The following FRRS1 variants were observed in gnomAD, a reference collection of about 807,000 sequenced individuals.
FRRS1 encodes ferric chelate reductase 1.
FRRS1 carries 51 observed loss-of-function variants against 70.7 expected under a neutral mutation model. The observed-to-expected ratio is 0.72, with a 90% CI of 0.58 to 0.91. The LOEUF (loss-of-function observed/expected upper bound fraction) is 0.91, where lower values mean the gene tolerates loss of function less well. FRRS1 is among the 40% of genes least tolerant of loss of function. The pLI is 0.00. For missense variants in FRRS1, 672 were observed against 726.0 expected (o/e 0.93, Z 0.86); for synonymous variants, 225 against 238.7 (o/e 0.94, Z 0.53).
At position 99,712,088 on chromosome 1, in the gene FRRS1, G is replaced by A; in HGVS notation, c.1480+17C>T. 1.3e-6 allele frequency: 2 copies of A among 1,550,506 alleles called. No individual in the cohort carries two copies. The highest frequency in any genetic ancestry group is 1.8e-6 in the Non-Finnish European group (2 of 1,128,430). On this transcript the variant is annotated intron_variant, in intron 14 of 16. Transcript: ENST00000646001. ...GCTAGCAATTATATATGAATAAGTG[G>A]CATCACAATCTCTTACCTGCTATTA...
Position 99,710,457 on chromosome 1 carries a change from T to C in FRRS1, c.1624+349A>G, listed in dbSNP as rs778231146. Among the ~76,000 whole-genome samples, 99 of 152,246 alleles carry C rather than the reference T, an allele frequency of 6.5e-4. 1 individual carries two copies. Among genetic ancestry groups the C allele is most frequent in the Non-Finnish European group, 2.5e-4 (17 of 68,038 alleles). ...AGTTGTCTGCACCTCCATCCAGTGT[T>C]GACTTTGAGTCTCTTCTTCCTCCAT... On this transcript the variant is annotated intron_variant, in intron 15 of 16. Transcript: ENST00000646001.
rs935692924 is a variant in FRRS1, at chr1:99,705,723, T to A, written c.*3305A>T. 1.3e-5 allele frequency among the ~76,000 whole-genome samples: 2 copies of A among 152,230 alleles called. No individual in the cohort carries two copies. The highest frequency in any genetic ancestry group is 4.8e-5 in the African/African-American group (2 of 41,462). ...CCCATACTATAGACTACCTTTGCCC[T>A]TAAGATTGATTTCTGCAGACCAGAG... is the stretch of plus-strand genomic sequence containing the variant. On this transcript the variant is annotated 3_prime_UTR_variant, in exon 17 of 17. Transcript: ENST00000646001.
intron 1 of FRRS1, among the ~76,000 whole-genome samples, chr1:99,755,989 A>G (rs1343688731): frequency 6.6e-6 from 1 of 152,228 alleles, no homozygotes; most frequent in African/African-American, 2.4e-5. Context: ...TTAATGTTTT[A>G]AGGTACAACT....
At chr1:99,755,325 G>A (rs550030276) in intron 1 of FRRS1, among the ~76,000 whole-genome samples, 49 of 151,902 alleles carry the variant, frequency 3.2e-4, no homozygotes, top group African/African-American at 9.7e-4. Flanking sequence ...TCAAGAGGCC[G>A]AGGTGGAAGA....
At chr1:99,757,007 T>C (rs1436273904) in intron 1 of FRRS1, among the ~76,000 whole-genome samples, 1 of 151,486 alleles carries the variant, frequency 6.6e-6, no homozygotes, top group Admixed American at 6.6e-5. Flanking sequence ...TTATGAAGAC[T>C]GAGATGCAAA....
Position 99,748,952 on chromosome 1 carries a change from C to A in FRRS1, c.-56G>T. The A allele has an allele frequency of 2.0e-6, 1 of 505,862 alleles. No individual in the cohort carries two copies. The highest frequency in any genetic ancestry group is 3.5e-6 in the Non-Finnish European group (1 of 287,438). The allele number at this position is 505,862 out of a possible 1,614,324, so 31.3% of individuals were successfully genotyped here. A position where few individuals can be genotyped will look rare whatever the true frequency, so the allele number is the denominator to read the frequency against. ...CACCCGAATTTCAATCTCAGCTCTA[C>A]AAATTACTGTGAGACTTTGGGCAAA... On this transcript the variant is annotated 5_prime_UTR_variant, in exon 2 of 17. Transcript: ENST00000646001.
chr1:99,763,283 T>C (rs1252458258), intron 1 of FRRS1, among the ~76,000 whole-genome samples: 2 of 152,194 alleles, frequency 1.3e-5, no homozygotes, highest in African/African-American at 4.8e-5. Context: ...CCCCCTATTT[T>C]TATATGGACA....
chr1:99,715,680 G>A lies in FRRS1; in HGVS notation c.1237-8C>T. The A allele has an allele frequency of 6.3e-7, 1 of 1,599,182 alleles. No individual in the cohort carries two copies. The highest frequency in any genetic ancestry group is 1.3e-5 in the African/African-American group (1 of 74,702). On this transcript the variant is annotated splice_region_variant and splice_polypyrimidine_tract_variant and intron_variant, in intron 11 of 16. Transcript: ENST00000646001. ...CATGAGCATCCGATGCACCTGCAAG[G>A]TAAAATGACAAATTAAGAAGACACT...
intron 1 of FRRS1, among the ~76,000 whole-genome samples, chr1:99,766,040 T>C (rs1188200554): frequency 6.6e-6 from 1 of 152,162 alleles, no homozygotes; most frequent in African/African-American, 2.4e-5. Context: ...AAATCCCCTT[T>C]ACCCTTTAGG....
At chr1:99,756,834 T>C (rs890863860) in intron 1 of FRRS1, among the ~76,000 whole-genome samples, 1 of 152,156 alleles carries the variant, frequency 6.6e-6, no homozygotes, top group Non-Finnish European at 1.5e-5. Context: ...TAGTCATTTA[T>C]TTTAAATTAA....
At chr1:99,760,042 G>A (rs1050217729) in intron 1 of FRRS1, among the ~76,000 whole-genome samples, 6 of 152,136 alleles carry the variant, frequency 3.9e-5, no homozygotes, top group South Asian at 2.1e-4. Context: ...ATCTAAGTTC[G>A]CCTACCTAAT....
Position 99,719,642 on chromosome 1 carries a change from T to G in FRRS1, c.1012A>C (p.Ile338Leu). The G allele has an allele frequency of 6.5e-7, 1 of 1,541,550 alleles. No individual in the cohort carries two copies. Among genetic ancestry groups the G allele is most frequent in the Non-Finnish European group, 8.9e-7 (1 of 1,118,920 alleles). ...AAAGGTTGCTGAGAGTGCTTGTAAA[T>G]TCGACCTGCAAATTAAAAACAAAAT... is the stretch of plus-strand genomic sequence containing the variant. The part of the protein sequence containing the change: ...LADGAANDGR[I>L]YKHSQQPLIT... Residue 338 changes from isoleucine (I) to leucine (L), a missense_variant, in exon 10 of 17, where the codon ATT (isoleucine) becomes CTT (leucine). Coordinates refer to ENST00000646001, the MANE Select transcript of FRRS1 (RefSeq NM_001361041.2).
At chr1:99,733,122 T>C (rs1655478979) in intron 7 of FRRS1, among the ~76,000 whole-genome samples, 1 of 152,106 alleles carries the variant, frequency 6.6e-6, no homozygotes. Flanking sequence ...GTGCTGGGAT[T>C]ATAGGCATGA....
intron 5 of FRRS1, 44 bp downstream of exon 5, chr1:99,742,135 T>G (rs1186531695): frequency 4.9e-6 from 6 of 1,234,502 alleles, no homozygotes; most frequent in African/African-American, 3.0e-5. Context: ...ATTATAGGCA[T>G]GAGCCACCAT....
rs377389024 is a variant in FRRS1 at position 99,738,146 on chromosome 1, A to G, written c.699T>C (p.Val233=). The stretch of plus-strand genomic sequence containing the variant: ...AGCCTTTACTGGGGCCGCTCATTTC[A>G]ACCATCACCGATTGGTCATCTCTTG... ...SFTRDDQSVM[V]EMSGPSKGYL... Residue 233 remains valine, a synonymous_variant, in exon 7 of 17, where the codon GTT becomes GTC. Transcript: ENST00000646001. The G allele has an allele frequency of 2.9e-5, 46 of 1,613,786 alleles. No homozygotes were observed. In the East Asian group the frequency reaches 9.8e-4, roughly 34 times the overall value.
chr1:99,738,034 C>A, intron 7 of FRRS1, 52 bp downstream of exon 7: 1 of 1,453,344 alleles, frequency 6.9e-7, no homozygotes, highest in Admixed American at 1.9e-5. Context: ...AGCCACCATG[C>A]CTAGCCGTGA....
At chr1:99,729,052 C>T (rs1007993003) in intron 8 of FRRS1, among the ~76,000 whole-genome samples, 1 of 152,240 alleles carries the variant, frequency 6.6e-6, no homozygotes, top group South Asian at 2.1e-4. Context: ...GAGTCAATCC[C>T]ATGGGAAGGC....
chr1:99,722,555 G>A (rs561835049), intron 9 of FRRS1, among the ~76,000 whole-genome samples: 2 of 152,300 alleles, frequency 1.3e-5, no homozygotes, highest in South Asian at 4.2e-4. Flanking sequence ...TTCCAGGAAT[G>A]TGAGGATCAT....
intron 7 of FRRS1, among the ~76,000 whole-genome samples, chr1:99,733,780 A>T (rs1188431321): frequency 2.0e-5 from 3 of 152,364 alleles, no homozygotes; most frequent in African/African-American, 7.2e-5. Context: ...ATTGATTCAT[A>T]GGAGAAACAT....
Sources: allele counts gnomAD v4.1 joint callset (sites outside exome capture counted in the v4.1 genomes callset), GRCh38; gene constraint gnomAD v4.1.1; transcripts MANE v1.5; gene names NCBI Gene and HGNC (gene_info 2026-07-23, HGNC 2026-07-21).